The following SCAI variants were observed in gnomAD, a reference collection of about 807,000 sequenced individuals.
The protein encoded by SCAI is protein SCAI.
In SCAI, 24 loss-of-function variants were observed where a neutral mutation model predicts 92.2. The ratio of observed to expected loss-of-function variants is 0.26; its 90% CI spans 0.19 to 0.37. The LOEUF is 0.37. Among genes scored for constraint, SCAI ranks in the 10% least tolerant of loss-of-function variants. SCAI has a pLI of 1.00. For missense variants in SCAI, 450 were observed against 736.2 expected (o/e 0.61, Z 4.50); for synonymous variants, 261 against 258.6 (o/e 1.01, Z -0.09).
At chr9:125,031,563 AT>A (rs1833075207) in intron 3 of SCAI, among the ~76,000 whole-genome samples, 1 of 152,200 alleles carries the variant, frequency 6.6e-6, no homozygotes, top group South Asian at 2.1e-4. Context: ...TTTTAAAAAA[AT>A]AAAGGAGCAA....
At chr9:125,118,915 G>A (rs1162706702) in intron 2 of SCAI, among the ~76,000 whole-genome samples, 2 of 152,208 alleles carry the variant, frequency 1.3e-5, no homozygotes, top group Non-Finnish European at 2.9e-5. Flanking sequence ...ATTCCATGGT[G>A]TATATGCACC....
chr9:125,097,784 T>C (rs897766259), intron 2 of SCAI, among the ~76,000 whole-genome samples: 1 of 151,636 alleles, frequency 6.6e-6, no homozygotes, highest in African/African-American at 2.4e-5. Flanking sequence ...TTGAAATATA[T>C]ATTTCAAGGA....
At chr9:125,101,234 T>C (rs1834671872) in intron 2 of SCAI, among the ~76,000 whole-genome samples, 1 of 152,146 alleles carries the variant, frequency 6.6e-6, no homozygotes, top group Admixed American at 6.5e-5. Context: ...ATGGAGCGTT[T>C]TGAACAAGGA....
At chr9:125,094,545 A>G (rs1684851927) in intron 2 of SCAI, among the ~76,000 whole-genome samples, 1 of 152,184 alleles carries the variant, frequency 6.6e-6, no homozygotes, top group African/African-American at 2.4e-5. Context: ...TCTGCCACCC[A>G]GGCTGATGTG....
In SCAI at chr9:124,947,059, T is replaced by G. The variant is rs1444666141; in HGVS notation, c.*5748A>C. On this transcript the variant is annotated 3_prime_UTR_variant, in exon 18 of 18. Coordinates refer to ENST00000336505, the MANE Select transcript of SCAI (RefSeq NM_001144877.3). ...CCCTTTTCTGCCTCATAGAGACACA[T>G]AAAACACTGATGAAAAAAGAATTGT... The G allele has an allele frequency of 1.3e-5, 2 of 152,116 alleles. No homozygotes were observed. The highest frequency in any genetic ancestry group is 4.8e-5 in the African/African-American group (2 of 41,424). The allele number at this position is 152,116 out of a possible 1,614,324, so 9.4% of individuals were successfully genotyped here. A position where few individuals can be genotyped will look rare whatever the true frequency, so the allele number is the denominator to read the frequency against.
chr9:125,006,725 C>T (rs1342200043), intron 9 of SCAI, among the ~76,000 whole-genome samples: 3 of 152,082 alleles, frequency 2.0e-5, no homozygotes, highest in Non-Finnish European at 2.9e-5. Flanking sequence ...CTCCTGACCT[C>T]GTAATCTGCC....
chr9:125,118,873 C>T (rs1326881095), intron 2 of SCAI, among the ~76,000 whole-genome samples: 2 of 152,212 alleles, frequency 1.3e-5, no homozygotes, highest in African/African-American at 4.8e-5. Flanking sequence ...CTGCAAAGGA[C>T]ATGATCTCAC....
At chr9:125,057,993 G>T (rs1172119207) in intron 2 of SCAI, among the ~76,000 whole-genome samples, 1 of 152,090 alleles carries the variant, frequency 6.6e-6, no homozygotes, top group Non-Finnish European at 1.5e-5. Context: ...CAGATACTCA[G>T]GAGGCTGAGG....
intron 2 of SCAI, among the ~76,000 whole-genome samples, chr9:125,095,611 T>C (rs890974008): frequency 6.6e-6 from 1 of 152,222 alleles, no homozygotes; most frequent in Admixed American, 6.5e-5. Flanking sequence ...GGTATGGCCA[T>C]GGAACTAAAT....
chr9:124,976,015 CG>C, intron 15 of SCAI, 98 bp downstream of exon 15: 1 of 774,586 alleles, frequency 1.3e-6, no homozygotes, highest in Non-Finnish European at 2.2e-6. Flanking sequence ...AATCCACACG[CG>C]ATCATTATGG....
intron 14 of SCAI, among the ~76,000 whole-genome samples, chr9:124,984,810 C>T (rs184210553): frequency 1.6e-3 from 242 of 152,176 alleles, no homozygotes; most frequent in African/African-American, 5.6e-3. Flanking sequence ...AACACAGAAA[C>T]AGCAAAGCCA....
intron 17 of SCAI, among the ~76,000 whole-genome samples, chr9:124,970,436 G>T (rs1216924030): frequency 6.6e-6 from 1 of 151,798 alleles, no homozygotes; most frequent in Non-Finnish European, 1.5e-5. Context: ...AAAAATTTCA[G>T]GGCCGGGTGC....
intron 2 of SCAI, among the ~76,000 whole-genome samples, chr9:125,082,478 G>C (rs1834241273): frequency 6.6e-6 from 1 of 152,212 alleles, no homozygotes; most frequent in African/African-American, 2.4e-5. Context: ...CTGCCTAGTG[G>C]AGCTATGAGA....
At chr9:125,039,999 A>C (rs1162844877) in intron 3 of SCAI, among the ~76,000 whole-genome samples, 1 of 152,186 alleles carries the variant, frequency 6.6e-6, no homozygotes, top group Non-Finnish European at 1.5e-5. Context: ...ATATAAAGCA[A>C]AAAGTAAAAC....
chr9:125,036,448 A>G (rs1423001052), intron 3 of SCAI, among the ~76,000 whole-genome samples: 2 of 152,144 alleles, frequency 1.3e-5, no homozygotes, highest in African/African-American at 4.8e-5. Context: ...ATATTTGAGA[A>G]ATGAAAGTAA....
chr9:124,962,175 G>C (rs1290514558), intron 17 of SCAI, among the ~76,000 whole-genome samples: 16 of 144,264 alleles, frequency 1.1e-4, no homozygotes, highest in African/African-American at 2.8e-4. Flanking sequence ...TTTTTTGCGG[G>C]GGGGGATGGA....
chr9:125,000,954 C>A (rs528939575), intron 12 of SCAI, among the ~76,000 whole-genome samples: 1 of 151,928 alleles, frequency 6.6e-6, no homozygotes, highest in African/African-American at 2.4e-5. Flanking sequence ...TATCAAAGTA[C>A]GATTACCTAT....
intron 3 of SCAI, among the ~76,000 whole-genome samples, chr9:125,033,642 C>T (rs1209614559): frequency 6.6e-6 from 1 of 152,058 alleles, no homozygotes; most frequent in African/African-American, 2.4e-5. Flanking sequence ...AATGAATGTT[C>T]TAAAATTGAC....
intron 9 of SCAI, among the ~76,000 whole-genome samples, chr9:125,004,150 T>C (rs563174210): frequency 4.9e-4 from 74 of 152,090 alleles, no homozygotes; most frequent in Admixed American, 1.2e-3. Flanking sequence ...TATTCCAGCC[T>C]GGGTAACAGA....
Sources: allele counts gnomAD v4.1 joint callset (sites outside exome capture counted in the v4.1 genomes callset), GRCh38; gene constraint gnomAD v4.1.1; transcripts MANE v1.5; gene names NCBI Gene and HGNC (gene_info 2026-07-23, HGNC 2026-07-21).